LRP6: variants seen among roughly 807,000 people sequenced by gnomAD.
The protein encoded by LRP6 is LDL receptor related protein 6.
LRP6 carries 43 observed loss-of-function variants against 184.1 expected under a neutral mutation model. That is an observed-to-expected ratio of 0.23 (90% CI 0.18 to 0.30). LRP6 has a LOEUF of 0.30. Among genes scored for constraint, LRP6 ranks in the 10% least tolerant of loss-of-function variants. LRP6 has a pLI of 1.00. For synonymous variants in LRP6, 719 were observed against 684.9 expected (o/e 1.05, Z -0.78); for missense variants, 1,571 against 2,005.3 (o/e 0.78, Z 4.14).
At chr12:12,137,422 T>A (rs1470064398) in intron 16 of LRP6, among the ~76,000 whole-genome samples, 1 of 152,332 alleles carries the variant, frequency 6.6e-6, no homozygotes, top group East Asian at 1.9e-4. Flanking sequence ...AGAAAATATT[T>A]CTGGCTACTT....
chr12:12,169,448 T>C (rs1733239135), intron 7 of LRP6, among the ~76,000 whole-genome samples: 1 of 152,072 alleles, frequency 6.6e-6, no homozygotes, highest in Admixed American at 6.6e-5. Flanking sequence ...TTGAGAAAAC[T>C]GGGGTTTGGA....
intron 12 of LRP6, among the ~76,000 whole-genome samples, chr12:12,151,714 T>C (rs12422890): frequency 0.083 from 12,605 of 152,184 alleles, 579 homozygotes; most frequent in Admixed American, 0.11. Context: ...AAATTATTTA[T>C]AAAAAATTAA....
At chr12:12,172,603 C>CT (rs1381122559) in intron 7 of LRP6, among the ~76,000 whole-genome samples, 1 of 152,206 alleles carries the variant, frequency 6.6e-6, no homozygotes, top group Non-Finnish European at 1.5e-5. Context: ...AACCACTCCT[C>CT]TTCTAATGTT....
chr12:12,175,851 G>A, intron 7 of LRP6, among the ~76,000 whole-genome samples: 1 of 151,636 alleles, frequency 6.6e-6, no homozygotes, highest in East Asian at 1.9e-4. Context: ...AGTTAAATGG[G>A]TATATAACAA....
Position 12,179,937 on chromosome 12 carries a change from C to T in LRP6, c.1418G>A (p.Arg473Gln), listed in dbSNP as rs397515474. The change falls in exon 7 of 23, where the codon CGA becomes CAA. Residue 473 changes from arginine (R) to glutamine (Q), a missense_variant. Arg to Gln is a conservative substitution (Grantham distance 43, BLOSUM62 1). Coordinates refer to ENST00000261349, the MANE Select transcript of LRP6 (RefSeq NM_002336.3). ...ACGGTCAGAACCATCCAGAGCTGCT[C>T]GCTCAATTTTCGGAATTTCTCCCCA... The part of the protein sequence containing the change: ...TDWGEIPKIE[R>Q]AALDGSDRVV... 10 of 1,613,692 alleles carry T rather than the reference C, an allele frequency of 6.2e-6. No homozygotes were observed. The highest frequency in any genetic ancestry group is 3.3e-5 in the South Asian group (3 of 91,062).
At chr12:12,194,690 T>G (rs1410399730) in intron 3 of LRP6, among the ~76,000 whole-genome samples, 2 of 152,126 alleles carry the variant, frequency 1.3e-5, no homozygotes, top group African/African-American at 4.8e-5. Context: ...CTCAGGGTAA[T>G]CAGCATATCC....
At chr12:12,139,990 AAAGAGGAGTACTAATTGAAAATATGTGT>A (rs1216574681) in intron 15 of LRP6, among the ~76,000 whole-genome samples, 1 of 152,164 alleles carries the variant, frequency 6.6e-6, no homozygotes, top group Non-Finnish European at 1.5e-5. Context: ...GCTGGGGCTG[AAAGAGGAGTACTAATTGAAAATATGTGT>A]AAGAAATTAC....
chr12:12,161,468 C>A (rs961991149), intron 10 of LRP6, among the ~76,000 whole-genome samples: 2 of 152,106 alleles, frequency 1.3e-5, no homozygotes, highest in African/African-American at 4.8e-5. Flanking sequence ...CGGGGTTTCA[C>A]CATGTTGGCC....
intron 2 of LRP6, chr12:12,226,586 C>G (rs571057734): frequency 6.6e-6 from 1 of 152,150 alleles, no homozygotes; most frequent in South Asian, 2.1e-4. Context: ...GGAATCTGAG[C>G]TTGGGAATAT....
intron 3 of LRP6, among the ~76,000 whole-genome samples, chr12:12,189,139 C>G (rs956725477): frequency 6.6e-5 from 10 of 152,142 alleles, no homozygotes; most frequent in Admixed American, 6.5e-4. Flanking sequence ...AAGCTATATT[C>G]ATTTTATATA....
At chr12:12,198,508 C>T (rs1408031513) in intron 3 of LRP6, among the ~76,000 whole-genome samples, 2 of 143,784 alleles carry the variant, frequency 1.4e-5, no homozygotes, top group Non-Finnish European at 3.0e-5. Context: ...TAAGTTCTAT[C>T]ATTTCATTTC....
intron 16 of LRP6, 128 bp from the exon 17 acceptor site, chr12:12,135,428 CT>C: frequency 1.9e-6 from 1 of 524,056 alleles, no homozygotes; most frequent in East Asian, 3.0e-5. Context: ...TCAGCTTGGA[CT>C]CTTTTTTTTT....
chr12:12,208,202 G>A (rs1278716928), intron 2 of LRP6, among the ~76,000 whole-genome samples: 1 of 152,156 alleles, frequency 6.6e-6, no homozygotes, highest in Non-Finnish European at 1.5e-5. Context: ...ATTATATGAA[G>A]CTATAGATGT....
intron 1 of LRP6, among the ~76,000 whole-genome samples, chr12:12,257,700 T>TG (rs559411267): frequency 6.0e-4 from 77 of 127,306 alleles, no homozygotes; most frequent in Non-Finnish European, 9.4e-4. Context: ...GCAAGCACTT[T>TG]GGGAAACCAA....
At chr12:12,155,378 T>C (rs1376166248) in intron 12 of LRP6, 3 of 779,322 alleles carry the variant, frequency 3.8e-6, no homozygotes, top group African/African-American at 1.7e-5. Context: ...AAGGTGATAT[T>C]GTAGACATCA....
intron 2 of LRP6, among the ~76,000 whole-genome samples, chr12:12,233,563 G>A (rs1864846826): frequency 1.3e-5 from 2 of 152,162 alleles, no homozygotes; most frequent in Admixed American, 6.5e-5. Context: ...CAAGGTGAGA[G>A]ATAAAAAGGG....
chr12:12,251,541 A>G (rs1055322232), intron 1 of LRP6, among the ~76,000 whole-genome samples: 4 of 150,280 alleles, frequency 2.7e-5, no homozygotes, highest in Non-Finnish European at 5.9e-5. Context: ...TTTTTTTTGC[A>G]TTTTTTTTAG....
chr12:12,127,382 G>A (rs1289543524), intron 19 of LRP6, among the ~76,000 whole-genome samples: 1 of 152,232 alleles, frequency 6.6e-6, no homozygotes, highest in Middle Eastern at 3.2e-3. Flanking sequence ...GAATGGTGAA[G>A]AAGCCAAAAT....
chr12:12,162,479 A>G, intron 9 of LRP6, 60 bp from the exon 10 acceptor site: 1 of 1,466,852 alleles, frequency 6.8e-7, no homozygotes, highest in Non-Finnish European at 9.6e-7. Context: ...ATCCAGAAAG[A>G]AGGTTTGGTT....
Sources: allele counts gnomAD v4.1 joint callset (sites outside exome capture counted in the v4.1 genomes callset), GRCh38; gene constraint gnomAD v4.1.1; transcripts MANE v1.5; gene names NCBI Gene and HGNC (gene_info 2026-07-23, HGNC 2026-07-21).